REDIC1: variants seen among roughly 807,000 people sequenced by gnomAD.
REDIC1 encodes the protein HEI10 Interacting Protein 1.
At chr12:39,769,896 T>G in the REDIC1 span, among the ~76,000 whole-genome samples, 5 of 152,068 alleles carry the variant, frequency 3.3e-5, no homozygotes, top group Non-Finnish European at 7.4e-5. Context: ...TATGTGGTCT[T>G]TTTCCTGGAT....
chr12:39,701,334 CAAAG>C, the REDIC1 span, among the ~76,000 whole-genome samples: 9 of 152,090 alleles, frequency 5.9e-5, no homozygotes, highest in Admixed American at 2.0e-4. Context: ...TCAAAAGAGA[CAAAG>C]AAGGCCATTA....
the REDIC1 span, among the ~76,000 whole-genome samples, chr12:39,859,306 A>C: frequency 6.7e-6 from 1 of 148,240 alleles, no homozygotes; most frequent in South Asian, 2.1e-4. Flanking sequence ...AAAAAGAAAG[A>C]AAGCTGGCAG....
chr12:39,837,586 A>G, the REDIC1 span, among the ~76,000 whole-genome samples: 1 of 146,808 alleles, frequency 6.8e-6, no homozygotes, highest in Non-Finnish European at 1.5e-5. Context: ...TTCACAACCT[A>G]CTCATCTGAC....
At chr12:39,684,814 A>G in the REDIC1 span, 2 of 1,323,746 alleles carry the variant, frequency 1.5e-6, no homozygotes, top group Non-Finnish European at 2.1e-6. Context: ...TTAGAACAAT[A>G]ATTCCCAGAG....
chr12:39,837,183 C>T, the REDIC1 span, among the ~76,000 whole-genome samples: 33 of 147,414 alleles, frequency 2.2e-4, no homozygotes, highest in East Asian at 6.4e-3. Flanking sequence ...AGAAATAATG[C>T]CACATACCTA....
At chr12:39,711,754 CAT>C in the REDIC1 span, among the ~76,000 whole-genome samples, 1 of 98,116 alleles carries the variant, frequency 1.0e-5, no homozygotes, top group African/African-American at 4.0e-5. Flanking sequence ...TATACACATG[CAT>C]GTGTATGTGT....
the REDIC1 span, among the ~76,000 whole-genome samples, chr12:39,816,047 C>T: frequency 6.6e-5 from 10 of 152,152 alleles, no homozygotes; most frequent in Non-Finnish European, 1.5e-4. Context: ...CAAATCCTAA[C>T]GGTAACATTT....
chr12:39,646,800 T>A, the REDIC1 span: 1 of 1,360,030 alleles, frequency 7.4e-7, no homozygotes, highest in South Asian at 1.3e-5. Context: ...TCGATTTTAT[T>A]TCAATTTATA....
At chr12:39,719,356 T>C in the REDIC1 span, among the ~76,000 whole-genome samples, 1 of 152,098 alleles carries the variant, frequency 6.6e-6, no homozygotes, top group Non-Finnish European at 1.5e-5. Context: ...GCCAGGCATG[T>C]TGGTTCATGC....
chr12:39,840,584 T>C, the REDIC1 span, among the ~76,000 whole-genome samples: 1 of 151,998 alleles, frequency 6.6e-6, no homozygotes, highest in African/African-American at 2.4e-5. Flanking sequence ...TCATATTGTT[T>C]TCTCTGGATG....
the REDIC1 span, among the ~76,000 whole-genome samples, chr12:39,776,317 G>A: frequency 6.6e-6 from 1 of 152,128 alleles, no homozygotes; most frequent in Admixed American, 6.5e-5. Context: ...TCTGCCGACA[G>A]CTGAGTGGTC....
At chr12:39,643,918 G>A in the REDIC1 span, 14 of 1,542,448 alleles carry the variant, frequency 9.1e-6, no homozygotes, top group South Asian at 1.2e-5. Context: ...AAAATTCCTG[G>A]TAAGTCATTC....
the REDIC1 span, among the ~76,000 whole-genome samples, chr12:39,648,833 C>A: frequency 6.6e-6 from 1 of 150,556 alleles, no homozygotes; most frequent in Non-Finnish European, 1.5e-5. Context: ...TATATATATG[C>A]CATATGATAG....
chr12:39,713,220 T>TTACACATATACGTGTATAGATGTGTA, the REDIC1 span, among the ~76,000 whole-genome samples: 31 of 141,150 alleles, frequency 2.2e-4, 4 homozygotes, highest in African/African-American at 4.2e-4. Context: ...TATGTTTATA[T>TTACACATATACGTGTATAGATGTGTA]TACACATATA....
the REDIC1 span, among the ~76,000 whole-genome samples, chr12:39,632,852 A>G: frequency 6.6e-6 from 1 of 152,338 alleles, no homozygotes; most frequent in Non-Finnish European, 1.5e-5. Flanking sequence ...TAAAAATACC[A>G]TATAAAACAT....
the REDIC1 span, among the ~76,000 whole-genome samples, chr12:39,690,213 C>T: frequency 1.3e-5 from 2 of 152,126 alleles, no homozygotes; most frequent in East Asian, 1.9e-4. Context: ...AAGAGACATA[C>T]GGGCTAAAAC....
the REDIC1 span, chr12:39,736,794 A>G: frequency 6.6e-6 from 1 of 152,128 alleles, no homozygotes; most frequent in Non-Finnish European, 1.5e-5. Context: ...ATGTGGAGGG[A>G]CCACACAAAG....
At chr12:39,880,377 A>T in the REDIC1 span, among the ~76,000 whole-genome samples, 1 of 152,188 alleles carries the variant, frequency 6.6e-6, no homozygotes, top group East Asian at 1.9e-4. Context: ...TTTCAAACAT[A>T]TTTTCATGTA....
chr12:39,712,317 TA>T, the REDIC1 span, among the ~76,000 whole-genome samples: 1 of 44,302 alleles, frequency 2.3e-5, no homozygotes, highest in Non-Finnish European at 6.9e-5. Flanking sequence ...TATATATGTA[TA>T]TATACATATG....
Sources: gnomAD v4.1 joint callset for allele counts (sites outside exome capture counted in the v4.1 genomes callset) on GRCh38, gnomAD v4.1.1 for gene constraint, MANE v1.5 for transcripts, NCBI Gene and HGNC (gene_info 2026-07-23, HGNC 2026-07-21) for gene names.